The following CDK14 variants were observed in gnomAD, a reference collection of about 807,000 sequenced individuals.
CDK14 encodes the protein cyclin-dependent kinase 14.
Under a neutral mutation model 60.7 loss-of-function variants are expected in CDK14, and 34 were observed. That is an observed-to-expected ratio of 0.56 (90% CI 0.43 to 0.75). CDK14 has a LOEUF of 0.75. Ranked by LOEUF, CDK14 falls within the 30% of genes least tolerant of loss-of-function variation. CDK14 has a pLI of 0.00. For synonymous variants in CDK14, 197 were observed against 203.7 expected (o/e 0.97, Z 0.28); for missense variants, 482 against 564.1 (o/e 0.85, Z 1.47).
intron 2 of CDK14, among the ~76,000 whole-genome samples, chr7:90,662,742 T>G (rs1174328933): frequency 6.6e-6 from 1 of 152,224 alleles, no homozygotes; most frequent in East Asian, 1.9e-4. Flanking sequence ...TTTAATTTTT[T>G]ATAGCTCATT....
chr7:91,101,199 C>G (rs1204554624), intron 12 of CDK14, among the ~76,000 whole-genome samples: 1 of 152,144 alleles, frequency 6.6e-6, no homozygotes, highest in Non-Finnish European at 1.5e-5. Context: ...CTAATAACCC[C>G]TTTACCAACT....
intron 7 of CDK14, among the ~76,000 whole-genome samples, chr7:90,903,760 G>A (rs1792598523): frequency 6.6e-6 from 1 of 151,994 alleles, no homozygotes; most frequent in African/African-American, 2.4e-5. Context: ...TGAGGTCAGG[G>A]ATATCCTAAA....
chr7:90,598,072 C>G (rs752880905), intron 1 of CDK14, among the ~76,000 whole-genome samples: 1 of 152,124 alleles, frequency 6.6e-6, no homozygotes, highest in African/African-American at 2.4e-5. Context: ...GCATTATTAA[C>G]GAGGATGTTT....
chr7:90,912,197 G>A (rs1414248587), intron 7 of CDK14, among the ~76,000 whole-genome samples: 1 of 147,404 alleles, frequency 6.8e-6, no homozygotes, highest in Non-Finnish European at 1.5e-5. Flanking sequence ...GGCTACTATA[G>A]TAGAAAGATA....
At chr7:90,960,826 A>T (rs1021399500) in intron 9 of CDK14, among the ~76,000 whole-genome samples, 4 of 152,154 alleles carry the variant, frequency 2.6e-5, no homozygotes, top group African/African-American at 9.7e-5. Context: ...AATTAGCCCT[A>T]CCATAGCCCC....
At chr7:91,183,555 C>G (rs1284977958) in intron 14 of CDK14, among the ~76,000 whole-genome samples, 1 of 152,158 alleles carries the variant, frequency 6.6e-6, no homozygotes, top group African/African-American at 2.4e-5. Context: ...AGAGTTTCTC[C>G]AGGCTCAACC....
At chr7:90,996,495 A>T (rs1795684651) in intron 10 of CDK14, among the ~76,000 whole-genome samples, 2 of 152,224 alleles carry the variant, frequency 1.3e-5, no homozygotes, top group Non-Finnish European at 2.9e-5. Context: ...TTTGATTAAG[A>T]TTTATCATAA....
intron 14 of CDK14, among the ~76,000 whole-genome samples, chr7:91,161,231 G>A (rs1801159729): frequency 6.6e-6 from 1 of 151,972 alleles, no homozygotes; most frequent in Non-Finnish European, 1.5e-5. Flanking sequence ...AGTAGACGGA[G>A]AGGATTCAGG....
At chr7:91,161,484 G>A (rs1801167190) in intron 14 of CDK14, among the ~76,000 whole-genome samples, 1 of 152,206 alleles carries the variant, frequency 6.6e-6, no homozygotes, top group Non-Finnish European at 1.5e-5. Context: ...CACTACCAGA[G>A]CAGAGTGAGA....
chr7:90,736,281 C>A (rs1803102212), intron 3 of CDK14, among the ~76,000 whole-genome samples: 2 of 149,174 alleles, frequency 1.3e-5, no homozygotes, highest in South Asian at 4.3e-4. Context: ...ATCTTGCCAG[C>A]AAATCCTGTC....
chr7:91,165,822 A>T (rs1245602197), intron 14 of CDK14, among the ~76,000 whole-genome samples: 1 of 152,248 alleles, frequency 6.6e-6, no homozygotes, highest in African/African-American at 2.4e-5. Flanking sequence ...TATCACTATC[A>T]AAGTAATCAA....
intron 9 of CDK14, among the ~76,000 whole-genome samples, chr7:90,965,509 T>C (rs1315253030): frequency 2.0e-5 from 3 of 152,218 alleles, no homozygotes; most frequent in African/African-American, 7.2e-5. Flanking sequence ...GAGGGAGTCA[T>C]GGCTTCCTGC....
chr7:90,918,327 T>C (rs1793141222), intron 8 of CDK14, among the ~76,000 whole-genome samples: 1 of 152,218 alleles, frequency 6.6e-6, no homozygotes, highest in African/African-American at 2.4e-5. Flanking sequence ...AGACACTTAT[T>C]ACTATTTAAA....
intron 14 of CDK14, among the ~76,000 whole-genome samples, chr7:91,201,186 T>C (rs1437436953): frequency 1.3e-5 from 2 of 152,232 alleles, no homozygotes; most frequent in African/African-American, 2.4e-5. Context: ...GATCAAATTA[T>C]AATTATTTTT....
chr7:90,937,567 TA>T, intron 8 of CDK14, among the ~76,000 whole-genome samples: 1 of 152,224 alleles, frequency 6.6e-6, no homozygotes, highest in Non-Finnish European at 1.5e-5. Context: ...TTTCAGATAA[TA>T]AAATGCTGCA....
intron 14 of CDK14, among the ~76,000 whole-genome samples, chr7:91,173,764 C>T (rs1242202335): frequency 6.6e-6 from 1 of 152,226 alleles, no homozygotes; most frequent in Non-Finnish European, 1.5e-5. Flanking sequence ...TAAAAAACGG[C>T]TCACCACGAG....
At chr7:91,089,761 C>T (rs575031871) in intron 12 of CDK14, among the ~76,000 whole-genome samples, 2 of 152,302 alleles carry the variant, frequency 1.3e-5, no homozygotes, top group African/African-American at 4.8e-5. Context: ...TGAATTGGCT[C>T]AGCCTACCTT....
rs1327483401 is a variant in CDK14, at chr7:91,209,613, A to G, written c.*2477A>G. On this transcript the variant is annotated 3_prime_UTR_variant, in exon 15 of 15. Coordinates refer to ENST00000380050, the MANE Select transcript of CDK14 (RefSeq NM_001287135.2). Reference sequence around the variant, plus strand: ...TGGAATGTTTTGTGAGATTATTTTTATATGAAGGAATAGCCTGAACTCAAA... The same window carrying G: ...TGGAATGTTTTGTGAGATTATTTTTGTATGAAGGAATAGCCTGAACTCAAA... 1 of 152,652 alleles carries G rather than the reference A, an allele frequency of 6.6e-6. No homozygotes were observed. The highest frequency in any genetic ancestry group is 1.5e-5 in the Non-Finnish European group (1 of 68,044). 9.5% of individuals were successfully genotyped at this position (152,652 alleles called of 1,614,324 possible).
At chr7:90,652,677 G>C (rs2116480642) in intron 2 of CDK14, among the ~76,000 whole-genome samples, 1 of 152,260 alleles carries the variant, frequency 6.6e-6, no homozygotes. Context: ...GGTACTTCCT[G>C]TACACAGGCA....
Sources: allele counts gnomAD v4.1 joint callset (sites outside exome capture counted in the v4.1 genomes callset), GRCh38; gene constraint gnomAD v4.1.1; transcripts MANE v1.5; gene names NCBI Gene and HGNC (gene_info 2026-07-23, HGNC 2026-07-21).